SMYD3: variants seen among roughly 807,000 people sequenced by gnomAD.
SMYD3 encodes the protein histone-lysine N-methyltransferase SMYD3.
SMYD3 carries 36 observed loss-of-function variants against 57.7 expected under a neutral mutation model. That is an observed-to-expected ratio of 0.62 (90% CI 0.48 to 0.82). The LOEUF (loss-of-function observed/expected upper bound fraction) is 0.82, where lower values mean the gene tolerates loss of function less well. Ranked by LOEUF, SMYD3 falls within the 40% of genes least tolerant of loss-of-function variation. The pLI is 0.00. For missense variants in SMYD3, 515 were observed against 538.8 expected (o/e 0.96, Z 0.44); for synonymous variants, 211 against 195.0 (o/e 1.08, Z -0.68).
At chr1:246,161,027 A>G (rs1272601829) in intron 5 of SMYD3, among the ~76,000 whole-genome samples, 1 of 152,122 alleles carries the variant, frequency 6.6e-6, no homozygotes, top group East Asian at 1.9e-4. Context: ...ACGCCATCAG[A>G]CAAGCGAGAC....
intron 5 of SMYD3, among the ~76,000 whole-genome samples, chr1:245,957,605 C>T (rs1224309403): frequency 1.3e-5 from 2 of 151,760 alleles, no homozygotes; most frequent in African/African-American, 4.9e-5. Context: ...CATGCCCACT[C>T]GCTGCTCAGG....
chr1:245,911,901 A>C (rs2055020358), intron 8 of SMYD3, among the ~76,000 whole-genome samples: 1 of 152,280 alleles, frequency 6.6e-6, no homozygotes, highest in South Asian at 2.1e-4. Context: ...TCCCAACATA[A>C]ATAAATTTTT....
At chr1:246,210,243 T>C (rs1364795549) in intron 5 of SMYD3, among the ~76,000 whole-genome samples, 1 of 152,124 alleles carries the variant, frequency 6.6e-6, no homozygotes, top group Non-Finnish European at 1.5e-5. Context: ...TGCTCTCCAT[T>C]ACACCACCCT....
chr1:246,369,818 T>G (rs2066164843), intron 1 of SMYD3, among the ~76,000 whole-genome samples: 1 of 152,098 alleles, frequency 6.6e-6, no homozygotes, highest in Admixed American at 6.5e-5. Flanking sequence ...GTGATTAGAT[T>G]AGAGCCACTG....
chr1:246,068,379 A>G (rs912634683), intron 5 of SMYD3, among the ~76,000 whole-genome samples: 1 of 152,190 alleles, frequency 6.6e-6, no homozygotes, highest in Admixed American at 6.5e-5. Context: ...GCTTGCTTCA[A>G]ATCTATGTTT....
chr1:246,318,028 T>A (rs1043337153), intron 5 of SMYD3, among the ~76,000 whole-genome samples: 7 of 152,224 alleles, frequency 4.6e-5, no homozygotes, highest in African/African-American at 1.7e-4. Flanking sequence ...AATCTTATCA[T>A]GATATTAGTG....
intron 5 of SMYD3, among the ~76,000 whole-genome samples, chr1:246,176,805 G>C (rs1459358803): frequency 6.6e-6 from 1 of 152,132 alleles, no homozygotes; most frequent in African/African-American, 2.4e-5. Context: ...TTACAGATGT[G>C]AGCCACCACA....
intron 5 of SMYD3, among the ~76,000 whole-genome samples, chr1:246,087,225 C>A (rs1272320667): frequency 6.6e-6 from 1 of 152,152 alleles, no homozygotes; most frequent in Non-Finnish European, 1.5e-5. Flanking sequence ...AACCCATGAG[C>A]CTATTTCTAG....
At chr1:246,197,069 G>T (rs2062839059) in intron 5 of SMYD3, among the ~76,000 whole-genome samples, 2 of 152,056 alleles carry the variant, frequency 1.3e-5, no homozygotes, top group African/African-American at 2.4e-5. Context: ...GTTCCCTGCG[G>T]CCAAAAGTTA....
chr1:245,939,454 T>C (rs558901697), intron 5 of SMYD3, among the ~76,000 whole-genome samples: 1 of 152,178 alleles, frequency 6.6e-6, no homozygotes, highest in Admixed American at 6.5e-5. Context: ...TGAAACCCCA[T>C]CTCTACTAAA....
chr1:246,130,799 A>C (rs1475755151), intron 5 of SMYD3, among the ~76,000 whole-genome samples: 1 of 152,126 alleles, frequency 6.6e-6, no homozygotes, highest in East Asian at 1.9e-4. Flanking sequence ...TTGACTCTCT[A>C]ATCTATATTT....
intron 8 of SMYD3, among the ~76,000 whole-genome samples, chr1:245,910,731 C>A (rs2054910983): frequency 6.6e-6 from 1 of 151,948 alleles, no homozygotes; most frequent in Non-Finnish European, 1.5e-5. Flanking sequence ...CTATCTCTCC[C>A]CATATACAAA....
intron 5 of SMYD3, among the ~76,000 whole-genome samples, chr1:246,108,376 A>G (rs921189232): frequency 1.3e-5 from 2 of 152,200 alleles, no homozygotes; most frequent in African/African-American, 2.4e-5. Flanking sequence ...ATCACATCAG[A>G]AAATTACCGT....
chr1:246,433,875 C>A (rs368272708), intron 1 of SMYD3, among the ~76,000 whole-genome samples: 67 of 152,246 alleles, frequency 4.4e-4, no homozygotes, highest in African/African-American at 1.5e-3. Flanking sequence ...TCAAAGTATA[C>A]TATAAGGCCA....
At chr1:246,170,708 C>A (rs1029327860) in intron 5 of SMYD3, among the ~76,000 whole-genome samples, 1 of 152,152 alleles carries the variant, frequency 6.6e-6, no homozygotes, top group Non-Finnish European at 1.5e-5. Context: ...ATTTACCTTT[C>A]ATTCTTCCAA....
chr1:245,903,366 A>G (rs774637506), intron 8 of SMYD3, among the ~76,000 whole-genome samples: 2 of 152,216 alleles, frequency 1.3e-5, no homozygotes, highest in Non-Finnish European at 2.9e-5. Flanking sequence ...GTATTCAAAT[A>G]CCGAAATTTC....
chr1:246,456,832 A>G (rs1440604786), intron 1 of SMYD3, among the ~76,000 whole-genome samples: 1 of 152,212 alleles, frequency 6.6e-6, no homozygotes, highest in Admixed American at 6.5e-5. Flanking sequence ...TTAAGCAGGC[A>G]GACACAAGAT....
chr1:246,406,920 T>C (rs115582629), intron 1 of SMYD3, among the ~76,000 whole-genome samples: 4,457 of 152,308 alleles, frequency 0.029, 234 homozygotes, highest in African/African-American at 0.1. Flanking sequence ...TTTAATTAGA[T>C]TGGCAGGACA....
rs543153412 is a variant in SMYD3, at chr1:246,199,511, GT to G, written c.531+127689del. On this transcript the variant is annotated intron_variant, in intron 5 of 11. Transcript: ENST00000490107. ...AGCCAACCAGGCTATTTTAAGTTTT[GT>G]TTTGTTTTGAAAAAAGTATTTACTG... Among the ~76,000 whole-genome samples the G allele has an allele frequency of 1.6e-4, 24 of 152,284 alleles. No homozygotes were observed. In the East Asian group the frequency reaches 4.4e-3, roughly 28 times the overall value.
Sources: allele counts gnomAD v4.1 joint callset (sites outside exome capture counted in the v4.1 genomes callset), GRCh38; gene constraint gnomAD v4.1.1; transcripts MANE v1.5; gene names NCBI Gene and HGNC (gene_info 2026-07-23, HGNC 2026-07-21).